PC: variants seen among roughly 807,000 people sequenced by gnomAD.
PC encodes pyruvate carboxylase, mitochondrial.
In PC, 46 loss-of-function variants were observed where a neutral mutation model predicts 107.8. That is an observed-to-expected ratio of 0.43 (90% confidence interval 0.34 to 0.55). The LOEUF (loss-of-function observed/expected upper bound fraction) is 0.55, where lower values mean the gene tolerates loss of function less well. Among genes scored for constraint, PC ranks in the 20% least tolerant of loss-of-function variants. The probability of loss-of-function intolerance (pLI) is 0.04; values close to 1 mark genes in which losing one functional copy is unlikely to be tolerated. For synonymous variants in PC, 662 were observed against 684.7 expected, an observed-to-expected ratio of 0.97 and a Z score of 0.52; for missense variants, 1,241 against 1,643.1, an observed-to-expected ratio of 0.76 and a Z score of 4.23.
chr11:66,911,378 C>G (rs1426756861), intron 3 of PC, among the ~76,000 whole-genome samples: 1 of 147,102 alleles, frequency 6.8e-6, no homozygotes, highest in Non-Finnish European at 1.5e-5. Flanking sequence ...CCCACTAGAC[C>G]AGGGATAATA....
chr11:66,890,159 T>A (rs894621309), intron 3 of PC, among the ~76,000 whole-genome samples: 1 of 152,154 alleles, frequency 6.6e-6, no homozygotes, highest in African/African-American at 2.4e-5. Context: ...CCTTCCTGAA[T>A]GGGATTAGAA....
At position 66,863,917 on chromosome 11, in the gene PC, T is replaced by G. The variant is rs1946383855; in HGVS notation, c.1225A>C (p.Asn409His). ...SGEGMGIRLDNASAFQGAVIS... is the reference protein window; with the variant it reads ...SGEGMGIRLDHASAFQGAVIS... ...ACGGCTCCTTGGAAGGCGGAAGCAT[T>G]ATCCAGGCGGATGCCCATGCCCTCT... The change falls in exon 12 of 23, where the codon AAT becomes CAT. Residue 409 changes from asparagine (N) to histidine (H), a missense_variant. By Grantham distance (68) the Asn-to-His change is moderately conservative (BLOSUM62 1). Transcript: ENST00000393960. 1 of 1,613,860 alleles carries G rather than the reference T, an allele frequency of 6.2e-7. No individual in the cohort carries two copies. The highest frequency in any genetic ancestry group is 1.1e-5 in the South Asian group (1 of 91,092).
At chr11:66,950,092 T>C (rs1181850759) in intron 3 of PC, among the ~76,000 whole-genome samples, 2 of 152,192 alleles carry the variant, frequency 1.3e-5, no homozygotes, top group East Asian at 1.9e-4. Context: ...ACACAGCATG[T>C]ACATGAGAAG....
chr11:66,864,412 C>T (rs529111861), intron 11 of PC, among the ~76,000 whole-genome samples: 15 of 152,372 alleles, frequency 9.8e-5, no homozygotes, highest in East Asian at 3.9e-4. Flanking sequence ...AGCGAGGGGA[C>T]GGCAGGCCGG....
At position 66,956,507 on chromosome 11, in the gene PC, C is replaced by G. The variant is rs1758626789; in HGVS notation, c.-228+1815G>C. 1.3e-5 allele frequency among the ~76,000 whole-genome samples: 2 copies of G among 152,182 alleles called. 1 individual carries two copies. Among genetic ancestry groups the G allele is most frequent in the South Asian group, 4.1e-4 (2 of 4,830 alleles). On this transcript the variant is annotated intron_variant, in intron 1 of 22. Coordinates refer to ENST00000393960, the MANE Select transcript of PC (RefSeq NM_001040716.2). ...TGCTGAGGCAGGAGAATCGCTTGAA[C>G]TCGGGAGGCGGAGGTTGTGGTGAGC...
intron 12 of PC, 72 bp downstream of exon 12, chr11:66,863,702 G>A: frequency 1.3e-6 from 2 of 1,493,728 alleles, no homozygotes; most frequent in Non-Finnish European, 1.8e-6. Context: ...AAGGCCCTTG[G>A]TGGGGAAGTG....
intron 11 of PC, among the ~76,000 whole-genome samples, chr11:66,864,751 ACACT>A (rs1946420365): frequency 6.6e-6 from 1 of 152,314 alleles, no homozygotes; most frequent in South Asian, 2.1e-4. Flanking sequence ...AGAGGCGCCG[ACACT>A]CACACACACA....
intron 11 of PC, 101 bp from the exon 12 acceptor site, chr11:66,864,057 G>A: frequency 8.4e-7 from 1 of 1,190,604 alleles, no homozygotes; most frequent in East Asian, 2.4e-5. Context: ...CAGCTGCTGA[G>A]AGCAGAGCGT....
intron 3 of PC, among the ~76,000 whole-genome samples, chr11:66,912,705 C>T (rs929792204): frequency 1.3e-5 from 2 of 152,178 alleles, no homozygotes; most frequent in Non-Finnish European, 2.9e-5. Flanking sequence ...CCTGCTTCCC[C>T]ACTAGAGTGG....
At chr11:66,869,098 C>G (rs1477047729) in intron 9 of PC, 134 bp from the exon 10 acceptor site, 1 of 687,904 alleles carries the variant, frequency 1.5e-6, no homozygotes, top group Non-Finnish European at 2.6e-6. Context: ...ACCCTGCCCC[C>G]ACAGATGGCA....
intron 11 of PC, 115 bp from the exon 12 acceptor site, chr11:66,864,071 G>T (rs1268474308): frequency 4.0e-5 from 40 of 993,744 alleles, no homozygotes; most frequent in Non-Finnish European, 6.1e-5. Context: ...AGAGCGTGGG[G>T]TGTCTGCAGG....
intron 3 of PC, among the ~76,000 whole-genome samples, chr11:66,902,962 G>T (rs1486196879): frequency 6.6e-6 from 1 of 152,210 alleles, no homozygotes; most frequent in Non-Finnish European, 1.5e-5. Flanking sequence ...GGGCTGTCAG[G>T]CGCCTACCCG....
chr11:66,876,709 G>A lies in PC; in HGVS notation c.1-4550C>T, dbSNP rs1011617262. Among the ~76,000 whole-genome samples the A allele has an allele frequency of 8.5e-5, 13 of 152,214 alleles. 2 individuals are homozygous for A. Among genetic ancestry groups the A allele is most frequent in the Admixed American group, 7.9e-4 (12 of 15,280 alleles). On this transcript the variant is annotated intron_variant, in intron 3 of 22. Coordinates refer to ENST00000393960, the MANE Select transcript of PC (RefSeq NM_001040716.2). ...CTAGGAGGACAGGTCTTTCCCAGCTGGGAGCAGGCGGCACTGGCATCAGAG... is the reference window on the plus strand; with the variant it reads ...CTAGGAGGACAGGTCTTTCCCAGCTAGGAGCAGGCGGCACTGGCATCAGAG...
Position 66,858,300 on chromosome 11 carries a change from C to G in PC, c.1369-4917G>C, listed in dbSNP as rs1421723710. Reference sequence around the variant, plus strand: ...CCATAACCTTATTGACGCACTGCCCCCAGGCGCCTTCGCCCAGCTCGGTCA... The same window carrying G: ...CCATAACCTTATTGACGCACTGCCCGCAGGCGCCTTCGCCCAGCTCGGTCA... On this transcript the variant is annotated intron_variant, in intron 12 of 22. Coordinates refer to ENST00000393960, the MANE Select transcript of PC (RefSeq NM_001040716.2). The surrounding 1 kb of genome is among the most constrained non-coding windows in gnomAD (Gnocchi z 5.9). 4.3e-6 allele frequency: 7 copies of G among 1,611,046 alleles called. No homozygotes were observed. Among genetic ancestry groups the G allele is most frequent in the Admixed American group, 1.7e-5 (1 of 60,000 alleles).
intron 3 of PC, among the ~76,000 whole-genome samples, chr11:66,943,672 G>A (rs1019691955): frequency 1.6e-5 from 2 of 128,512 alleles, no homozygotes; most frequent in African/African-American, 5.9e-5. Flanking sequence ...AGAATGGCAT[G>A]AACCCGGGAA....
At chr11:66,923,873 A>T (rs1729186819) in intron 3 of PC, among the ~76,000 whole-genome samples, 1 of 130,976 alleles carries the variant, frequency 7.6e-6, no homozygotes, top group Non-Finnish European at 1.6e-5. Flanking sequence ...GAATGTCACA[A>T]GACCTCAAGG....
At chr11:66,928,954 G>A (rs568462689) in intron 3 of PC, among the ~76,000 whole-genome samples, 105 of 152,272 alleles carry the variant, frequency 6.9e-4, no homozygotes, top group African/African-American at 2.5e-3. Flanking sequence ...CTAAAATAGG[G>A]TCATACCATT....
At chr11:66,947,156 G>C (rs968293592) in intron 3 of PC, among the ~76,000 whole-genome samples, 1 of 152,060 alleles carries the variant, frequency 6.6e-6, no homozygotes, top group African/African-American at 2.4e-5. Context: ...AAGAGAAAAG[G>C]AAATATATGT....
At chr11:66,923,065 G>C (rs1018705213) in intron 3 of PC, among the ~76,000 whole-genome samples, 1 of 152,166 alleles carries the variant, frequency 6.6e-6, no homozygotes, top group Non-Finnish European at 1.5e-5. Flanking sequence ...CAATAATGTG[G>C]GGCAAGAAGT....
Sources: gnomAD v4.1 joint callset for allele counts (sites outside exome capture counted in the v4.1 genomes callset) on GRCh38, gnomAD v4.1.1 for gene constraint, Gnocchi (gnomAD v3.1) non-coding constraint, MANE v1.5 for transcripts, NCBI Gene and HGNC (gene_info 2026-07-23, HGNC 2026-07-21) for gene names.